GALNT13: variants seen among roughly 807,000 people sequenced by gnomAD.
GALNT13 encodes the protein UDP-GalNAc:polypeptide N-acetylgalactosaminyltransferase 13.
In GALNT13, 28 loss-of-function variants were observed where a neutral mutation model predicts 64.2. The observed-to-expected ratio is 0.44, with a 90% CI of 0.32 to 0.60. The LOEUF (loss-of-function observed/expected upper bound fraction) is 0.60, where lower values mean the gene tolerates loss of function less well. GALNT13 is among the 20% of genes least tolerant of loss of function. The pLI, the probability that GALNT13 is intolerant of heterozygous loss-of-function variation, is 0.05. For missense variants in GALNT13, 577 were observed against 669.8 expected, an observed-to-expected ratio of 0.86 and a Z score of 1.53; for synonymous variants, 214 against 224.6, an observed-to-expected ratio of 0.95 and a Z score of 0.42.
intron 11 of GALNT13, among the ~76,000 whole-genome samples, chr2:154,418,053 T>G (rs996373059): frequency 9.9e-5 from 15 of 152,174 alleles, no homozygotes; most frequent in Non-Finnish European, 2.1e-4. Flanking sequence ...AATTGTAGTC[T>G]TTTTTGGAAG....
At chr2:153,984,674 T>C (rs1352812364) in intron 3 of GALNT13, among the ~76,000 whole-genome samples, 1 of 151,960 alleles carries the variant, frequency 6.6e-6, no homozygotes, top group East Asian at 1.9e-4. Flanking sequence ...TATACAGTTA[T>C]ATAAGCAACA....
At chr2:153,800,290 C>A in the GALNT13 span, among the ~76,000 whole-genome samples, 1 of 151,968 alleles carries the variant, frequency 6.6e-6, no homozygotes, top group East Asian at 1.9e-4. Flanking sequence ...ATTCACATAC[C>A]TTAAAGAAAA....
intron 3 of GALNT13, among the ~76,000 whole-genome samples, chr2:154,020,583 G>A (rs1394684514): frequency 2.0e-5 from 3 of 152,004 alleles, no homozygotes; most frequent in Non-Finnish European, 4.4e-5. Flanking sequence ...TGAGTTCATT[G>A]TAGATTCTGG....
intron 2 of GALNT13, among the ~76,000 whole-genome samples, chr2:153,937,212 T>G (rs1396414098): frequency 2.0e-5 from 3 of 152,100 alleles, no homozygotes; most frequent in Admixed American, 6.5e-5. Context: ...TTCATAATAG[T>G]CAAAAGGTAG....
At chr2:153,395,294 G>A in the GALNT13 span, among the ~76,000 whole-genome samples, 3 of 152,142 alleles carry the variant, frequency 2.0e-5, no homozygotes, top group Non-Finnish European at 4.4e-5. Flanking sequence ...AACAGAGAAT[G>A]AGTATTTTGA....
In GALNT13 at chr2:154,094,516, T is replaced by A. The variant is rs558846722; in HGVS notation, c.143-45821T>A. ...GACAACTCAGATGAATTCTAAATGC[T>A]TATTTTTGTGAGAAAATAGTATTTG... On this transcript the variant is annotated intron_variant, in intron 3 of 12. Coordinates refer to ENST00000392825, the MANE Select transcript of GALNT13 (RefSeq NM_052917.4). Among the ~76,000 whole-genome samples the A allele has an allele frequency of 1.8e-4, 27 of 152,138 alleles. No homozygotes were observed. In the South Asian group the frequency reaches 5.0e-3, roughly 28 times the overall value.
At chr2:153,390,613 A>G in the GALNT13 span, among the ~76,000 whole-genome samples, 25 of 152,256 alleles carry the variant, frequency 1.6e-4, no homozygotes, top group African/African-American at 6.0e-4. Flanking sequence ...AGCAATAATC[A>G]ATATTAGTAT....
chr2:153,873,585 A>T (rs1277086468), intron 1 of GALNT13, among the ~76,000 whole-genome samples: 1 of 152,092 alleles, frequency 6.6e-6, no homozygotes, highest in Non-Finnish European at 1.5e-5. Context: ...AGAGGAGAGG[A>T]GCTTTGGGGA....
chr2:153,549,269 AG>A, the GALNT13 span, among the ~76,000 whole-genome samples: 1 of 152,224 alleles, frequency 6.6e-6, no homozygotes, highest in Non-Finnish European at 1.5e-5. Context: ...AAGTATATCA[AG>A]TGCTCAATGC....
chr2:153,181,961 A>C, the GALNT13 span, among the ~76,000 whole-genome samples: 1 of 150,354 alleles, frequency 6.7e-6, no homozygotes, highest in African/African-American at 2.4e-5. Flanking sequence ...TAGTATATTA[A>C]TATCCTTAAG....
At chr2:154,319,204 A>C (rs1224864823) in intron 9 of GALNT13, among the ~76,000 whole-genome samples, 1 of 152,196 alleles carries the variant, frequency 6.6e-6, no homozygotes. Context: ...TTAAAAGTAC[A>C]TAAAATAAAT....
the GALNT13 span, among the ~76,000 whole-genome samples, chr2:153,314,996 T>A: frequency 6.6e-6 from 1 of 152,064 alleles, no homozygotes; most frequent in South Asian, 2.1e-4. Flanking sequence ...TTCCTTTTAC[T>A]TAAAATATAA....
chr2:153,508,173 A>G, the GALNT13 span, among the ~76,000 whole-genome samples: 1 of 152,132 alleles, frequency 6.6e-6, no homozygotes, highest in Non-Finnish European at 1.5e-5. Context: ...TGGCACTCTC[A>G]AGAGCACATC....
chr2:153,466,615 T>C, the GALNT13 span, among the ~76,000 whole-genome samples: 13 of 152,186 alleles, frequency 8.5e-5, no homozygotes, highest in South Asian at 2.1e-4. Context: ...AAGTTCACTA[T>C]TTTTGGCATC....
At chr2:154,147,069 T>G (rs1449163768) in intron 4 of GALNT13, among the ~76,000 whole-genome samples, 2 of 151,936 alleles carry the variant, frequency 1.3e-5, no homozygotes, top group African/African-American at 4.8e-5. Flanking sequence ...AGAGGAAAGG[T>G]TTTTCTCTTC....
At chr2:154,239,865 T>G (rs1689389346) in intron 4 of GALNT13, among the ~76,000 whole-genome samples, 1 of 152,204 alleles carries the variant, frequency 6.6e-6, no homozygotes. Flanking sequence ...AGATCTTAAC[T>G]GGCACACAAT....
chr2:153,280,103 T>C, the GALNT13 span, among the ~76,000 whole-genome samples: 1 of 152,108 alleles, frequency 6.6e-6, no homozygotes, highest in Admixed American at 6.6e-5. Context: ...GAGGGGGTTG[T>C]GTGTTTCTAG....
At chr2:153,998,189 T>C (rs1695652792) in intron 3 of GALNT13, among the ~76,000 whole-genome samples, 1 of 152,122 alleles carries the variant, frequency 6.6e-6, no homozygotes, top group Admixed American at 6.6e-5. Context: ...AAATGGTATT[T>C]TTGGTTCCAG....
At chr2:154,406,409 A>G (rs1699543574) in intron 10 of GALNT13, among the ~76,000 whole-genome samples, 1 of 152,048 alleles carries the variant, frequency 6.6e-6, no homozygotes, top group Non-Finnish European at 1.5e-5. Context: ...TAAAACTCTC[A>G]TGATTCCTTA....
Sources: allele counts gnomAD v4.1 joint callset (sites outside exome capture counted in the v4.1 genomes callset), GRCh38; gene constraint gnomAD v4.1.1; transcripts MANE v1.5; gene names NCBI Gene and HGNC (gene_info 2026-07-23, HGNC 2026-07-21).